The following NDUFA10 variants were observed in gnomAD, a reference collection of about 807,000 sequenced individuals.
NDUFA10 encodes the protein NADH dehydrogenase [ubiquinone] 1 alpha subcomplex subunit 10, mitochondrial.
In NDUFA10, 40 loss-of-function variants were observed where a neutral mutation model predicts 47.8. The observed-to-expected ratio is 0.84, with a 90% CI of 0.65 to 1.09. NDUFA10 has a LOEUF of 1.09. NDUFA10 is among the 50% of genes least tolerant of loss of function. The pLI, the probability that NDUFA10 is intolerant of heterozygous loss-of-function variation, is 0.00. For synonymous variants in NDUFA10, 183 were observed against 172.2 expected (o/e 1.06, Z -0.49); for missense variants, 413 against 451.1 (o/e 0.92, Z 0.76).
intron 7 of NDUFA10, 96 bp from the exon 8 acceptor site, chr2:240,005,391 C>T (rs895961606): frequency 9.9e-7 from 1 of 1,012,534 alleles, no homozygotes; most frequent in Non-Finnish European, 1.5e-6. Context: ...CTCTATCATC[C>T]AGGCTGGAAA....
intron 4 of NDUFA10, among the ~76,000 whole-genome samples, chr2:239,916,709 G>A (rs544182673): frequency 1.2e-4 from 19 of 152,358 alleles, no homozygotes; most frequent in South Asian, 1.0e-3. Flanking sequence ...CTCCCAGGAC[G>A]GCACCTTGTG....
chr2:240,019,030 G>A (rs1697492808), intron 3 of NDUFA10, among the ~76,000 whole-genome samples: 2 of 151,842 alleles, frequency 1.3e-5, no homozygotes, highest in African/African-American at 4.8e-5. Context: ...AGCCTCACTG[G>A]CTGTGTTACT....
chr2:239,939,450 C>G (rs1694323091), intron 4 of NDUFA10, among the ~76,000 whole-genome samples: 1 of 152,250 alleles, frequency 6.6e-6, no homozygotes, highest in African/African-American at 2.4e-5. Context: ...CCCTGGGGGG[C>G]CACCCGCGTA....
intron 4 of NDUFA10, among the ~76,000 whole-genome samples, chr2:239,918,486 C>T (rs1693915418): frequency 6.6e-6 from 1 of 152,224 alleles, no homozygotes; most frequent in South Asian, 2.1e-4. Context: ...CCAATCCTGT[C>T]TCCCAAGGAC....
chr2:240,002,330 C>CAAAAAAAAAAAAAAAAAAAAA, intron 8 of NDUFA10, among the ~76,000 whole-genome samples: 1 of 83,756 alleles, frequency 1.2e-5, no homozygotes, highest in East Asian at 3.0e-4. Flanking sequence ...AACTCTGACT[C>CAAAAAAAAAAAAAAAAAAAAA]AAAAAAAAAA....
intron 4 of NDUFA10, among the ~76,000 whole-genome samples, chr2:239,898,989 A>G (rs1446922507): frequency 0.027 from 1,911 of 70,050 alleles, 25 homozygotes; most frequent in Middle Eastern, 0.074. Flanking sequence ...TATGATGGAG[A>G]GGTGTGATGG....
At chr2:239,916,704 A>G (rs1693885849) in intron 4 of NDUFA10, among the ~76,000 whole-genome samples, 2 of 152,260 alleles carry the variant, frequency 1.3e-5, no homozygotes, top group African/African-American at 4.8e-5. Flanking sequence ...CTCTGCTCCC[A>G]GGACGGCACC....
intron 4 of NDUFA10, among the ~76,000 whole-genome samples, chr2:239,944,701 G>A (rs1374108609): frequency 6.6e-6 from 1 of 152,174 alleles, no homozygotes; most frequent in Non-Finnish European, 1.5e-5. Context: ...GCAGCCTGGA[G>A]AGTGCAGCTC....
At chr2:239,968,916 G>C (rs1695199837) in intron 9 of NDUFA10, among the ~76,000 whole-genome samples, 1 of 152,162 alleles carries the variant, frequency 6.6e-6, no homozygotes, top group African/African-American at 2.4e-5. Context: ...CTTGATACTG[G>C]GCTAAGCCCT....
chr2:239,932,666 A>G (rs1343736890), intron 4 of NDUFA10, among the ~76,000 whole-genome samples: 9 of 149,034 alleles, frequency 6.0e-5, no homozygotes, highest in African/African-American at 7.5e-5. Context: ...TGTAAGCTCC[A>G]CCTCCCGGGT....
intron 9 of NDUFA10, among the ~76,000 whole-genome samples, chr2:239,963,019 C>A (rs944900945): frequency 3.9e-5 from 6 of 152,300 alleles, no homozygotes; most frequent in Admixed American, 3.9e-4. Flanking sequence ...GAGGGACAGA[C>A]ATCCTAACTA....
chr2:239,951,166 T>C (rs1419490264), intron 4 of NDUFA10, among the ~76,000 whole-genome samples: 5 of 152,210 alleles, frequency 3.3e-5, no homozygotes, highest in African/African-American at 1.2e-4. Flanking sequence ...AGCAAACATC[T>C]GACCACAAGA....
chr2:239,985,829 T>C (rs1353238860), intron 9 of NDUFA10, among the ~76,000 whole-genome samples: 8 of 150,932 alleles, frequency 5.3e-5, no homozygotes. Context: ...CAGAATCGCT[T>C]GAACCTGGGA....
intron 4 of NDUFA10, among the ~76,000 whole-genome samples, chr2:239,948,826 T>C (rs919196299): frequency 4.6e-5 from 7 of 152,206 alleles, no homozygotes; most frequent in Non-Finnish European, 8.8e-5. Flanking sequence ...CCTCGAGCCA[T>C]CCTGGCCTAG....
chr2:239,966,848 C>CTTTTT (rs71045922), intron 9 of NDUFA10, among the ~76,000 whole-genome samples: 2 of 113,820 alleles, frequency 1.8e-5, no homozygotes, highest in Non-Finnish European at 3.6e-5. Flanking sequence ...GCAAGGATTT[C>CTTTTT]TTTTTTTTTT....
rs1055922945 is a variant in NDUFA10, at chr2:239,945,646, T to C, written c.294+44428A>G. Among the ~76,000 whole-genome samples, 4 of 152,200 alleles carry C rather than the reference T, an allele frequency of 2.6e-5. No homozygotes were observed. The highest frequency in any genetic ancestry group is 5.9e-5 in the Non-Finnish European group (4 of 68,048). Reference sequence around the variant, plus strand: ...ACAGTTTTCTCACGGAATGGATCGATTGGCCCTGGGATGAAAACCAGCATG... The same window carrying C: ...ACAGTTTTCTCACGGAATGGATCGACTGGCCCTGGGATGAAAACCAGCATG... On this transcript the variant is annotated intron_variant, in intron 4 of 5. Transcript: ENST00000419408. The surrounding 1 kb of genome is among the most constrained non-coding windows in gnomAD (Gnocchi z 4.6).
intron 4 of NDUFA10, among the ~76,000 whole-genome samples, chr2:239,912,520 G>A (rs13012110): frequency 0.26 from 38,850 of 152,208 alleles, 5,868 homozygotes; most frequent in Middle Eastern, 0.34. Flanking sequence ...GGTCTTTCCT[G>A]GGCAGAATGC....
At chr2:239,992,966 A>G (rs1390373477) in intron 8 of NDUFA10, among the ~76,000 whole-genome samples, 2 of 152,240 alleles carry the variant, frequency 1.3e-5, no homozygotes, top group African/African-American at 4.8e-5. Context: ...GAGTCCCTCA[A>G]TTGAGAAATG....
chr2:239,915,572 ATAC>A (rs1693851074), intron 4 of NDUFA10, among the ~76,000 whole-genome samples: 1 of 150,874 alleles, frequency 6.6e-6, no homozygotes, highest in Non-Finnish European at 1.5e-5. Flanking sequence ...AGACACAAAT[ATAC>A]AGACACACAC....
Sources: gnomAD v4.1 joint callset for allele counts (sites outside exome capture counted in the v4.1 genomes callset) on GRCh38, gnomAD v4.1.1 for gene constraint, Gnocchi (gnomAD v3.1) non-coding constraint, MANE v1.5 for transcripts, NCBI Gene and HGNC (gene_info 2026-07-23, HGNC 2026-07-21) for gene names.